Variants in MTMR9 observed in about 807,000 individuals in gnomAD.
MTMR9 encodes the protein myotubularin-related protein 9.
A neutral mutation model predicts 69.5 loss-of-function variants in MTMR9; 39 were observed. The observed-to-expected ratio is 0.56, with a 90% CI of 0.43 to 0.73. The LOEUF (loss-of-function observed/expected upper bound fraction) is 0.73, where lower values mean the gene tolerates loss of function less well. MTMR9 is among the 30% of genes least tolerant of loss of function. The pLI is 0.00. For missense variants in MTMR9, 900 were observed against 671.2 expected, an observed-to-expected ratio of 1.34 and a Z score of -3.77; for synonymous variants, 354 against 240.8, an observed-to-expected ratio of 1.47 and a Z score of -4.35.
intron 5 of MTMR9, among the ~76,000 whole-genome samples, chr8:11,307,874 C>T (rs539544004): frequency 4.0e-5 from 6 of 151,886 alleles, no homozygotes; most frequent in African/African-American, 1.4e-4. Context: ...CTGTTCAGGT[C>T]TTGCCCATTC....
rs777793737 is a variant in MTMR9 at position 11,300,087 on chromosome 8, T to G, written c.356T>G (p.Val119Gly). 2 of 1,613,746 alleles carry G rather than the reference T, an allele frequency of 1.2e-6. No homozygotes were observed. The highest frequency in any genetic ancestry group is 4.5e-5 in the East Asian group (2 of 44,846). ...TTCTTTTACCGTCCTATGTTTGAAG[T>G]GATAGAAGATGGCTGGCATTCCTTC... Reference protein sequence around the residue: ...YPFFYRPMFEVIEDGWHSFLP... With the variant: ...YPFFYRPMFEGIEDGWHSFLP... Residue 119 changes from valine to glycine, a missense_variant, in exon 3 of 10, where the codon GTG becomes GGG. Val to Gly is a moderately radical substitution (Grantham distance 109, BLOSUM62 -3). Transcript: ENST00000221086.
intron 8 of MTMR9, chr8:11,318,193 G>T (rs569795433): frequency 1.3e-5 from 2 of 152,290 alleles, no homozygotes; most frequent in East Asian, 3.9e-4. Flanking sequence ...TTCCCATTCT[G>T]TTTCCCAGTT....
the MTMR9 span, among the ~76,000 whole-genome samples, chr8:11,333,959 T>C: frequency 1.9e-4 from 29 of 152,236 alleles, no homozygotes; most frequent in Non-Finnish European, 4.1e-4. Flanking sequence ...GCCATTATCA[T>C]GGGAGTGAGT....
chr8:11,330,366 T>C (rs1451322764), downstream of MTMR9, among the ~76,000 whole-genome samples: 1 of 149,400 alleles, frequency 6.7e-6, no homozygotes, highest in Admixed American at 6.6e-5. Flanking sequence ...CGGCTGCCCC[T>C]TCTGGGAAGT....
At chr8:11,308,814 T>C (rs1240044018) in intron 5 of MTMR9, among the ~76,000 whole-genome samples, 2 of 152,226 alleles carry the variant, frequency 1.3e-5, no homozygotes, top group African/African-American at 4.8e-5. Context: ...GCCTTTGTGT[T>C]TGATAGGCGA....
chr8:11,320,880 A>G (rs967322485), intron 9 of MTMR9: 3 of 152,546 alleles, frequency 2.0e-5, no homozygotes, highest in African/African-American at 7.2e-5. Context: ...TTAATAGCAT[A>G]AAGTATACAT....
chr8:11,308,517 C>G (rs1396655705), intron 5 of MTMR9, among the ~76,000 whole-genome samples: 1 of 152,120 alleles, frequency 6.6e-6, no homozygotes, highest in Non-Finnish European at 1.5e-5. Context: ...TCTTTTTAAT[C>G]TCCTTACTCA....
chr8:11,324,062 C>G lies in MTMR9; in HGVS notation c.*1274C>G, dbSNP rs1800813813. On this transcript the variant is annotated 3_prime_UTR_variant, in exon 10 of 10. Transcript: ENST00000221086. The stretch of plus-strand genomic sequence containing the variant: ...CTCATTTTAACAAATATGACCGAGT[C>G]TAGTTTTTCTTTAAAAGGATAGTTT... 2 of 152,150 alleles carry G rather than the reference C, an allele frequency of 1.3e-5. No homozygotes were observed. The highest frequency in any genetic ancestry group is 2.9e-5 in the Non-Finnish European group (2 of 68,028). The allele number at this position is 152,150 out of a possible 1,614,324, so 9.4% of individuals were successfully genotyped here.
intron 7 of MTMR9, 77 bp downstream of exon 7, chr8:11,315,141 T>C: frequency 6.5e-7 from 1 of 1,530,086 alleles, no homozygotes; most frequent in East Asian, 2.3e-5. Flanking sequence ...GCTGACATAA[T>C]GTGTGAAATT....
intron 3 of MTMR9, among the ~76,000 whole-genome samples, chr8:11,301,909 G>A (rs888681063): frequency 6.6e-6 from 1 of 152,270 alleles, no homozygotes; most frequent in African/African-American, 2.4e-5. Context: ...TTAGACACAT[G>A]CATGCTTAAT....
At chr8:11,322,551 C>G in intron 9 of MTMR9, 74 bp from the exon 10 acceptor site, 1 of 1,265,954 alleles carries the variant, frequency 7.9e-7, no homozygotes, top group Non-Finnish European at 1.1e-6. Flanking sequence ...TAAATTACAT[C>G]TTATCCACAA....
chr8:11,321,698 T>C (rs1019394168), intron 9 of MTMR9: 1 of 311,912 alleles, frequency 3.2e-6, no homozygotes, highest in African/African-American at 2.2e-5. Context: ...CTCTGCTGTT[T>C]ACATTTACAT....
chr8:11,320,975 A>C (rs920355894), intron 9 of MTMR9: 2 of 158,910 alleles, frequency 1.3e-5, no homozygotes, highest in African/African-American at 4.8e-5. Context: ...TTATACTCTC[A>C]AAGGCAGTTC....
In MTMR9 at chr8:11,324,962, G is replaced by C. The variant is rs1800862926; in HGVS notation, c.*2174G>C. On this transcript the variant is annotated 3_prime_UTR_variant, in exon 10 of 10. Coordinates refer to ENST00000221086, the MANE Select transcript of MTMR9 (RefSeq NM_015458.4). ...GGAGTTTGTATTAGGTCTGGTCATG[G>C]AGGGATGATGTACCATCAAGGTAGA... 6.6e-6 allele frequency: 1 copy of C among 152,240 alleles called. No individual in the cohort carries two copies. Among genetic ancestry groups the C allele is most frequent in the African/African-American group, 2.4e-5 (1 of 41,466 alleles). The allele number at this position is 152,240 out of a possible 1,614,324, so 9.4% of individuals were successfully genotyped here.
chr8:11,336,244 A>G, the MTMR9 span, among the ~76,000 whole-genome samples: 7 of 152,172 alleles, frequency 4.6e-5, no homozygotes, highest in Non-Finnish European at 5.9e-5. Context: ...GCCCAGAGGA[A>G]GTCCATGTTG....
At chr8:11,289,364 A>G (rs1363210428) in intron 1 of MTMR9, among the ~76,000 whole-genome samples, 1 of 152,248 alleles carries the variant, frequency 6.6e-6, no homozygotes, top group Non-Finnish European at 1.5e-5. Flanking sequence ...TTAACCTCGT[A>G]GAAACTTAAG....
intron 6 of MTMR9, among the ~76,000 whole-genome samples, chr8:11,313,375 G>A (rs1800281780): frequency 6.6e-6 from 1 of 152,210 alleles, no homozygotes; most frequent in African/African-American, 2.4e-5. Flanking sequence ...CAGTAAGGCT[G>A]TGTCACTGTA....
chr8:11,336,036 T>C, the MTMR9 span, among the ~76,000 whole-genome samples: 2 of 152,210 alleles, frequency 1.3e-5, no homozygotes, highest in Non-Finnish European at 2.9e-5. Flanking sequence ...AAGGAATGCA[T>C]AGCTGCATAC....
At chr8:11,295,451 C>T (rs1799521459) in intron 2 of MTMR9, 149 bp downstream of exon 2, 5 of 588,972 alleles carry the variant, frequency 8.5e-6, no homozygotes, top group Admixed American at 3.2e-5. Context: ...GGTTCATCGT[C>T]ATATGAGTGT....
Sources: allele counts gnomAD v4.1 joint callset (sites outside exome capture counted in the v4.1 genomes callset), GRCh38; gene constraint gnomAD v4.1.1; transcripts MANE v1.5; gene names NCBI Gene and HGNC (gene_info 2026-07-23, HGNC 2026-07-21).